TRIM67: variants seen among roughly 807,000 people sequenced by gnomAD.
TRIM67 encodes the protein tripartite motif containing 67, also known as tripartite motif-containing protein 67.
A neutral mutation model predicts 71.0 loss-of-function variants in TRIM67; 39 were observed. The observed-to-expected ratio is 0.55, with a 90% CI of 0.43 to 0.72. The LOEUF (loss-of-function observed/expected upper bound fraction) is 0.72. Among genes scored for constraint, TRIM67 ranks in the 30% least tolerant of loss-of-function variants. The pLI, the probability that TRIM67 is intolerant of heterozygous loss-of-function variation, is 0.00. For synonymous variants in TRIM67, 481 were observed against 473.9 expected (o/e 1.01, Z -0.19); for missense variants, 973 against 1,079.2 (o/e 0.90, Z 1.38).
At chr1:231,199,231 T>C in intron 3 of TRIM67, 62 bp downstream of exon 3, 1 of 1,538,690 alleles carries the variant, frequency 6.5e-7, no homozygotes, top group Non-Finnish European at 9.0e-7. Context: ...CAGCGTGGGG[T>C]GGAGCACAGA....
At position 231,169,368 on chromosome 1, in the gene TRIM67, CTTTT is replaced by C. The variant is rs775082418; in HGVS notation, c.1044+5377_1044+5380del. Among the ~76,000 whole-genome samples, 10 of 81,664 alleles carry C rather than the reference CTTTT, an allele frequency of 1.2e-4. 1 individual carries two copies. Among genetic ancestry groups the C allele is most frequent in the African/African-American group, 4.2e-4 (9 of 21,200 alleles). The allele number at this position is 81,664 out of a possible 152,430, so 53.6% of individuals were successfully genotyped here. On this transcript the variant is annotated intron_variant, in intron 1 of 9. Coordinates refer to ENST00000366653, the MANE Select transcript of TRIM67 (RefSeq NM_001004342.5). Reference sequence around the variant, plus strand: ...CTGCACCAGCCTTCGATTCTTTTCTCTTTTTTTTTTTTTTTTTTTTTTTTTGAGA... The same window carrying C: ...CTGCACCAGCCTTCGATTCTTTTCTCTTTTTTTTTTTTTTTTTTTTTGAGA...
rs113200798 is a variant in TRIM67 at position 231,199,312 on chromosome 1, A to G, written c.1263+143A>G. On this transcript the variant is annotated intron_variant, in intron 3 of 9. Transcript: ENST00000366653. ...AATGAATGAATGAGGCAAGGAAGGG[A>G]TGCACCAGCTGGTTCGGTTACATTC... 388 of 829,516 alleles carry G rather than the reference A, an allele frequency of 4.7e-4. 1 individual carries two copies. The African/African-American group carries it at 5.6e-3, about 12-fold the overall frequency. The allele number at this position is 829,516 out of a possible 1,614,324, so 51.4% of individuals were successfully genotyped here. A position where few individuals can be genotyped will look rare whatever the true frequency, so the allele number is the denominator to read the frequency against.
At chr1:231,181,240 A>G (rs1682898256) in intron 1 of TRIM67, among the ~76,000 whole-genome samples, 1 of 152,216 alleles carries the variant, frequency 6.6e-6, no homozygotes, top group South Asian at 2.1e-4. Context: ...CTGGGATTAC[A>G]GGCGTGAGCC....
Position 231,217,316 on chromosome 1 carries a change from T to C in TRIM67, c.*1876T>C. The C allele has an allele frequency of 1.0e-6, 1 of 986,156 alleles. No individual in the cohort carries two copies. The highest frequency in any genetic ancestry group is 1.2e-6 in the Non-Finnish European group (1 of 830,400). The allele number at this position is 986,156 out of a possible 1,614,324, so 61.1% of individuals were successfully genotyped here. ...AAGTCTAGGTCTTGCCTCTTCCTTG[T>C]CATCTCACCAAGCGGTTTCTGGGTC... On this transcript the variant is annotated 3_prime_UTR_variant, in exon 10 of 10. Transcript: ENST00000366653.
Position 231,198,923 on chromosome 1 carries a change from C to T in TRIM67, c.1141-124C>T, listed in dbSNP as rs915481100. The T allele has an allele frequency of 1.0e-4, 151 of 1,463,692 alleles. 3 individuals carry two copies. In the South Asian group the frequency reaches 1.8e-3, roughly 18 times the overall value. The allele number at this position is 1,463,692 out of a possible 1,614,324, so 90.7% of individuals were successfully genotyped here. On this transcript the variant is annotated intron_variant, in intron 2 of 9. Coordinates refer to ENST00000366653, the MANE Select transcript of TRIM67 (RefSeq NM_001004342.5). ...ATAAATATTGTCTCTAATTTAACAA[C>T]ATTATAGAGAAATCTAGGATGAACT...
At position 231,209,765 on chromosome 1, in the gene TRIM67, G is replaced by A. The variant is rs1372497994; in HGVS notation, c.2123+515G>A. Among the ~76,000 whole-genome samples the A allele has an allele frequency of 6.6e-6, 1 of 152,322 alleles. No homozygotes were observed. Among genetic ancestry groups the A allele is most frequent in the Non-Finnish European group, 1.5e-5 (1 of 68,028 alleles). ...GGGCAGTAGCAGAGGGCATGGCTGG[G>A]GTGCTCACTACTAACGAGCCTGCCA... On this transcript the variant is annotated intron_variant, in intron 8 of 9. Transcript: ENST00000366653. This position sits in a 1 kb window ranked among gnomAD's most constrained non-coding sequence, Gnocchi z 4.1.
intron 1 of TRIM67, among the ~76,000 whole-genome samples, chr1:231,176,054 T>C (rs1682738859): frequency 6.6e-6 from 1 of 152,190 alleles, no homozygotes; most frequent in South Asian, 2.1e-4. Flanking sequence ...GTTAAAGCTG[T>C]TCAATTAAGG....
chr1:231,184,605 C>G (rs978840750), intron 1 of TRIM67: 2 of 188,040 alleles, frequency 1.1e-5, no homozygotes, highest in African/African-American at 4.8e-5. Flanking sequence ...CTAATTCCAG[C>G]CCTACCAGGC....
chr1:231,188,685 G>A (rs1230955233), intron 1 of TRIM67, among the ~76,000 whole-genome samples: 1 of 152,136 alleles, frequency 6.6e-6, no homozygotes, highest in Admixed American at 6.5e-5. Context: ...TTCCCCTCTC[G>A]AGCCCATGCT....
At chr1:231,168,654 T>C (rs975966780) in intron 1 of TRIM67, among the ~76,000 whole-genome samples, 17 of 152,272 alleles carry the variant, frequency 1.1e-4, no homozygotes, top group Non-Finnish European at 7.3e-5. Flanking sequence ...CATTACATTA[T>C]TGTTATAACT....
At chr1:231,164,380 T>C (rs1296716809) in intron 1 of TRIM67, among the ~76,000 whole-genome samples, 2 of 152,138 alleles carry the variant, frequency 1.3e-5, no homozygotes, top group Non-Finnish European at 2.9e-5. Flanking sequence ...GCATGCAGGA[T>C]CTCCTTTTCC....
intron 3 of TRIM67, 32 bp downstream of exon 3, chr1:231,199,201 C>T: frequency 6.2e-7 from 1 of 1,606,288 alleles, no homozygotes; most frequent in Admixed American, 1.7e-5. Flanking sequence ...ACATTGAATC[C>T]CTGCCACATC....
At chr1:231,166,657 C>A (rs548619678) in intron 1 of TRIM67, among the ~76,000 whole-genome samples, 1 of 152,216 alleles carries the variant, frequency 6.6e-6, no homozygotes, top group African/African-American at 2.4e-5. Context: ...AAGAAGCCAT[C>A]ATCAAAGCCT....
intron 1 of TRIM67, among the ~76,000 whole-genome samples, chr1:231,167,210 C>G (rs1317547572): frequency 6.6e-6 from 1 of 151,818 alleles, no homozygotes; most frequent in Non-Finnish European, 1.5e-5. Flanking sequence ...GAAAATCTCA[C>G]TGATACTCCA....
chr1:231,165,528 C>A (rs1283591431), intron 1 of TRIM67, among the ~76,000 whole-genome samples: 1 of 152,144 alleles, frequency 6.6e-6, no homozygotes, highest in African/African-American at 2.4e-5. Context: ...AGGGAAGTAG[C>A]AAAGAGTGCT....
At chr1:231,192,829 G>A (rs2102741091) in intron 1 of TRIM67, among the ~76,000 whole-genome samples, 1 of 152,354 alleles carries the variant, frequency 6.6e-6, no homozygotes, top group African/African-American at 2.4e-5. Context: ...AAAATTAGAT[G>A]GCAAGTCTGA....
chr1:231,217,675 C>T lies in TRIM67; in HGVS notation c.*2235C>T, dbSNP rs560270518. The T allele has an allele frequency of 2.2e-5, 26 of 1,175,912 alleles. No individual in the cohort carries two copies. Among genetic ancestry groups the T allele is most frequent in the Non-Finnish European group, 2.5e-5 (23 of 932,616 alleles). The allele number at this position is 1,175,912 out of a possible 1,614,324, so 72.8% of individuals were successfully genotyped here. On this transcript the variant is annotated 3_prime_UTR_variant, in exon 10 of 10. Coordinates refer to ENST00000366653, the MANE Select transcript of TRIM67 (RefSeq NM_001004342.5). The stretch of plus-strand genomic sequence containing the variant: ...GTGACAGCAGCTTCTCACAGGGGAG[C>T]CCTGGGGAAGGCTGTGGAGCCTCCA...
intron 1 of TRIM67, among the ~76,000 whole-genome samples, chr1:231,168,685 A>T (rs907011626): frequency 2.0e-5 from 3 of 151,876 alleles, no homozygotes; most frequent in Non-Finnish European, 2.9e-5. Context: ...AGAAGATGAC[A>T]TGTATCTAGA....
intron 1 of TRIM67, chr1:231,184,765 A>G: frequency 1.9e-6 from 1 of 533,902 alleles, no homozygotes; most frequent in Non-Finnish European, 3.3e-6. Context: ...AACCACCATG[A>G]GTAGAGTGCC....
Sources: allele counts gnomAD v4.1 joint callset (sites outside exome capture counted in the v4.1 genomes callset), GRCh38; gene constraint gnomAD v4.1.1; non-coding constraint Gnocchi (gnomAD v3.1); transcripts MANE v1.5; gene names NCBI Gene and HGNC (gene_info 2026-07-23, HGNC 2026-07-21).